Variants in ASNS observed in about 807,000 individuals in gnomAD.
The protein encoded by ASNS is asparagine synthetase (glutamine-hydrolyzing).
A neutral mutation model predicts 62.6 loss-of-function variants in ASNS; 37 were observed. The observed-to-expected ratio is 0.59, with a 90% confidence interval of 0.45 to 0.78. The LOEUF (loss-of-function observed/expected upper bound fraction) is 0.78, where lower values mean the gene tolerates loss of function less well. ASNS is among the 30% of genes least tolerant of loss of function. ASNS has a pLI of 0.00. For synonymous variants in ASNS, 207 were observed against 237.9 expected (o/e 0.87, Z 1.19); for missense variants, 520 against 682.4 (o/e 0.76, Z 2.65).
chr7:97,918,443 T>A, the ASNS span, among the ~76,000 whole-genome samples: 1 of 152,178 alleles, frequency 6.6e-6, no homozygotes, highest in Non-Finnish European at 1.5e-5. Context: ...GACGTATCGG[T>A]GCAGGGCTGG....
At chr7:97,891,820 T>C in the ASNS span, among the ~76,000 whole-genome samples, 1 of 152,194 alleles carries the variant, frequency 6.6e-6, no homozygotes, top group African/African-American at 2.4e-5. Context: ...AACCCCCTCC[T>C]GGCTCCTTTC....
the ASNS span, chr7:97,913,028 G>A: frequency 6.6e-6 from 1 of 151,688 alleles, no homozygotes; most frequent in South Asian, 2.1e-4. Flanking sequence ...ATCTAATCTT[G>A]TCTGCCTAGC....
chr7:97,897,286 T>A, the ASNS span, among the ~76,000 whole-genome samples: 1 of 151,914 alleles, frequency 6.6e-6, no homozygotes, highest in Non-Finnish European at 1.5e-5. Context: ...GTAAAACCCA[T>A]AACTATAAAA....
At chr7:97,916,514 T>C in the ASNS span, among the ~76,000 whole-genome samples, 2 of 152,210 alleles carry the variant, frequency 1.3e-5, no homozygotes, top group Admixed American at 6.5e-5. Context: ...AGCAGCTCTT[T>C]GCAAGCACCT....
chr7:97,854,815 G>A, intron 9 of ASNS, 135 bp from the exon 10 acceptor site: 1 of 1,503,930 alleles, frequency 6.6e-7, no homozygotes, highest in Non-Finnish European at 9.0e-7. Context: ...TAACTGAACA[G>A]AGGTAAGCAA....
the ASNS span, among the ~76,000 whole-genome samples, chr7:97,916,330 G>A: frequency 1.3e-5 from 2 of 152,046 alleles, no homozygotes; most frequent in Non-Finnish European, 1.5e-5. Flanking sequence ...GCAGTGAACC[G>A]AGATTGCACC....
rs1168688853 is a variant in ASNS, at chr7:97,858,331, G to A, written c.850C>T (p.Gln284Ter). The A allele has an allele frequency of 6.2e-7, 1 of 1,614,002 alleles. No homozygotes were observed. The highest frequency in any genetic ancestry group is 2.2e-5 in the East Asian group (1 of 44,870). The change falls in exon 7 of 13, where the codon CAG becomes TAG. Residue 284 changes from glutamine to a stop codon, truncating the protein, a stop_gained. Coordinates refer to ENST00000394308, the MANE Select transcript of ASNS (RefSeq NM_001673.5). LOFTEE classifies it high-confidence loss of function. ...LKEAQVQYPL[Q>*]TFAIGMEDSP... is the part of the protein sequence containing the mutation. ...TCTTCCATGCCAATTGCAAATGTCT[G>A]GAGAGGATACTGTACTTGGGCTTCT...
intron 1 of ASNS, among the ~76,000 whole-genome samples, chr7:97,871,334 G>C (rs1792246775): frequency 6.6e-6 from 1 of 152,126 alleles, no homozygotes; most frequent in Admixed American, 6.5e-5. Context: ...ACTGGACATG[G>C]CAGTTTCAGT....
At chr7:97,920,407 GC>G in the ASNS span, among the ~76,000 whole-genome samples, 2 of 149,596 alleles carry the variant, frequency 1.3e-5, no homozygotes, top group Middle Eastern at 6.8e-3. Flanking sequence ...ACCCCCCAAT[GC>G]CCCCCGGCCC....
intron 12 of ASNS, 66 bp from the exon 13 acceptor site, chr7:97,852,534 A>C: frequency 6.8e-6 from 10 of 1,460,310 alleles, no homozygotes; most frequent in African/African-American, 1.4e-5. Flanking sequence ...GTTTAGTCTC[A>C]TTTCACGAAA....
the ASNS span, among the ~76,000 whole-genome samples, chr7:97,880,950 T>TTTTGA: frequency 1.3e-5 from 2 of 151,828 alleles, no homozygotes; most frequent in Non-Finnish European, 2.9e-5. Flanking sequence ...TTTTGTTTTG[T>TTTTGA]TTTGTTTTGA....
the ASNS span, among the ~76,000 whole-genome samples, chr7:97,921,568 G>C: frequency 6.6e-6 from 1 of 152,126 alleles, no homozygotes; most frequent in Non-Finnish European, 1.5e-5. Flanking sequence ...CACAGGAGCT[G>C]CTCAGATACT....
chr7:97,865,564 A>G (rs1416854003), intron 3 of ASNS, among the ~76,000 whole-genome samples: 1 of 152,170 alleles, frequency 6.6e-6, no homozygotes, highest in East Asian at 1.9e-4. Flanking sequence ...GTCCTTCAAT[A>G]TCTCTATCAC....
chr7:97,920,282 G>A, the ASNS span, among the ~76,000 whole-genome samples: 1 of 152,150 alleles, frequency 6.6e-6, no homozygotes, highest in Non-Finnish European at 1.5e-5. Flanking sequence ...GGGATTACAG[G>A]TGTGAGCCAC....
the ASNS span, chr7:97,913,224 T>G: frequency 6.6e-6 from 1 of 152,270 alleles, no homozygotes. Flanking sequence ...ACAGAAAGAC[T>G]GGATCACTCA....
intron 4 of ASNS, among the ~76,000 whole-genome samples, chr7:97,861,454 G>A (rs906458247): frequency 6.6e-6 from 1 of 152,094 alleles, no homozygotes; most frequent in African/African-American, 2.4e-5. Context: ...TGGCACCCTT[G>A]TCAAAAATAA....
intron 4 of ASNS, among the ~76,000 whole-genome samples, chr7:97,861,720 T>C (rs1345855185): frequency 3.9e-5 from 6 of 152,222 alleles, no homozygotes; most frequent in Non-Finnish European, 8.8e-5. Context: ...GGGATTCTGA[T>C]AGGGATCAAG....
chr7:97,860,458 C>T (rs1427972593), intron 4 of ASNS, among the ~76,000 whole-genome samples: 2 of 152,160 alleles, frequency 1.3e-5, no homozygotes, highest in African/African-American at 2.4e-5. Context: ...GTTCTCTTTA[C>T]CAGGCTTTCC....
the ASNS span, among the ~76,000 whole-genome samples, chr7:97,926,681 G>A: frequency 0.042 from 6,339 of 152,106 alleles, 284 homozygotes; most frequent in African/African-American, 0.11. Flanking sequence ...AGATACAGGC[G>A]CCGCGAAAAG....
Sources: gnomAD v4.1 joint callset for allele counts (sites outside exome capture counted in the v4.1 genomes callset) on GRCh38, gnomAD v4.1.1 for gene constraint, MANE v1.5 for transcripts, NCBI Gene and HGNC (gene_info 2026-07-23, HGNC 2026-07-21) for gene names.